The following SLC6A17 variants were observed in gnomAD, a reference collection of about 807,000 sequenced individuals.
SLC6A17 encodes the protein solute carrier family 6 member 17, also known as sodium-dependent neutral amino acid transporter SLC6A17.
In SLC6A17, 21 loss-of-function variants were observed where a neutral mutation model predicts 64.5. The ratio of observed to expected loss-of-function variants is 0.33; its 90% confidence interval spans 0.23 to 0.47. The LOEUF is 0.47. Ranked by LOEUF, SLC6A17 falls within the 20% of genes least tolerant of loss-of-function variation. SLC6A17 has a pLI of 1.00. For missense variants in SLC6A17, 682 were observed against 963.2 expected, an observed-to-expected ratio of 0.71 and a Z score of 3.86; for synonymous variants, 372 against 399.5, an observed-to-expected ratio of 0.93 and a Z score of 0.82.
At position 110,185,517 on chromosome 1, in the gene SLC6A17, T is replaced by G. The variant is rs371531398; in HGVS notation, c.865-6455T>G. On this transcript the variant is annotated intron_variant, in intron 6 of 11. Transcript: ENST00000331565. Reference sequence around the variant, plus strand: ...TCATCATGCCCACGAGTCAAACGCCTTGATACACTTTGTTTCCCTGAGTGA... The same window carrying G: ...TCATCATGCCCACGAGTCAAACGCCGTGATACACTTTGTTTCCCTGAGTGA... Among the ~76,000 whole-genome samples the G allele has an allele frequency of 2.6e-5, 4 of 152,240 alleles. No homozygotes were observed. The South Asian group carries it at 8.3e-4, about 32-fold the overall frequency.
chr1:110,151,373 C>G (rs932370875), intron 1 of SLC6A17, among the ~76,000 whole-genome samples: 10 of 152,382 alleles, frequency 6.6e-5, no homozygotes, highest in East Asian at 1.9e-4. Flanking sequence ...CGAAGCAGAA[C>G]TGTCACGCCC....
chr1:110,172,053 C>T lies in SLC6A17; in HGVS notation c.287-7C>T, dbSNP rs754652265. The T allele has an allele frequency of 1.1e-5, 18 of 1,613,852 alleles. 1 individual carries two copies. The South Asian group carries it at 1.6e-4, about 15-fold the overall frequency. Reference sequence around the variant, plus strand: ...GCCCCTCTGCCATCCCTCTGCTCTCCCCACAGGTGCTTACCTGGTGCCCTA... The same window carrying T: ...GCCCCTCTGCCATCCCTCTGCTCTCTCCACAGGTGCTTACCTGGTGCCCTA... On this transcript the variant is annotated splice_region_variant and splice_polypyrimidine_tract_variant and intron_variant, in intron 2 of 11. Transcript: ENST00000331565.
In SLC6A17 at chr1:110,199,901, A is replaced by AGATG. The variant is rs1217455792; in HGVS notation, c.*1479_*1482dup. Reference sequence around the variant, plus strand: ...GGGGAGTGGGGGTGGATGGATGGATAGATGGATGGATGGATGGATGGATGG... The same window carrying AGATG: ...GGGGAGTGGGGGTGGATGGATGGATAGATGGATGGATGGATGGATGGATGGATGG... On this transcript the variant is annotated 3_prime_UTR_variant, in exon 12 of 12. Transcript: ENST00000331565. 3.6e-4 allele frequency: 91 copies of AGATG among 255,236 alleles called. No individual in the cohort carries two copies. Among genetic ancestry groups the AGATG allele is most frequent in the East Asian group, 4.0e-4 (7 of 17,300 alleles). The allele number at this position is 255,236 out of a possible 1,614,324, so 15.8% of individuals were successfully genotyped here.
Position 110,192,441 on chromosome 1 carries a change from C to T in SLC6A17, c.1107-65C>T. On this transcript the variant is annotated intron_variant, in intron 7 of 11. Coordinates refer to ENST00000331565, the MANE Select transcript of SLC6A17 (RefSeq NM_001010898.4). The surrounding 1 kb of genome is among the most constrained non-coding windows in gnomAD (Gnocchi z 4.3). The stretch of plus-strand genomic sequence containing the variant: ...TCCCACCTGGGTGCCTGGGAAGAGC[C>T]TCCAGGATCTCACCCATTGCCCACC... 6.5e-7 allele frequency: 1 copy of T among 1,545,362 alleles called. No homozygotes were observed. The highest frequency in any genetic ancestry group is 1.8e-5 in the Admixed American group (1 of 54,096).
intron 6 of SLC6A17, among the ~76,000 whole-genome samples, chr1:110,190,843 G>A (rs76361498): frequency 0.13 from 20,433 of 152,026 alleles, 1,737 homozygotes; most frequent in South Asian, 0.22. Context: ...GGCCGGGGGC[G>A]GGGGCCTGGC....
intron 11 of SLC6A17, 115 bp downstream of exon 11, chr1:110,197,714 G>A (rs1192572471): frequency 4.8e-6 from 6 of 1,245,638 alleles, no homozygotes; most frequent in Non-Finnish European, 6.5e-6. Context: ...GCCTTGCCAG[G>A]TGCCTCACAC....
rs1656310151 is a variant in SLC6A17, at chr1:110,174,063, A to G, written c.535A>G (p.Ser179Gly). 1 of 1,613,978 alleles carries G rather than the reference A, an allele frequency of 6.2e-7. No individual in the cohort carries two copies. The highest frequency in any genetic ancestry group is 8.5e-7 in the Non-Finnish European group (1 of 1,180,016). Reference protein sequence around the residue: ...FKSFQYPLPWSECPVVRNGSV... With the variant: ...FKSFQYPLPWGECPVVRNGSV... ...GTCCTTCCAGTACCCGCTGCCCTGG[A>G]GTGAATGTCCTGTCGTCAGGAATGG... Residue 179 changes from serine (S) to glycine (G), a missense_variant, in exon 4 of 12, where the codon AGT (serine) becomes GGT (glycine). Physicochemically the swap from Ser to Gly is moderately conservative, Grantham distance 56. This residue lies in a region of SLC6A17 where 415 missense variants were observed against 603.8 expected (regional missense o/e 0.69). Transcript: ENST00000331565.
chr1:110,170,628 C>A (rs1001744452), intron 2 of SLC6A17, among the ~76,000 whole-genome samples: 1 of 152,206 alleles, frequency 6.6e-6, no homozygotes, highest in Admixed American at 6.5e-5. Context: ...GCCCTTTGGG[C>A]CCTCTCTCCT....
chr1:110,152,184 G>C (rs1557826732), intron 1 of SLC6A17, among the ~76,000 whole-genome samples: 1 of 152,212 alleles, frequency 6.6e-6, no homozygotes, highest in African/African-American at 2.4e-5. Flanking sequence ...TGGGCAGGAA[G>C]AGCTTTGAGG....
chr1:110,171,933 C>G (rs1039194916), intron 2 of SLC6A17, 127 bp from the exon 3 acceptor site: 3 of 1,253,680 alleles, frequency 2.4e-6, no homozygotes, highest in Non-Finnish European at 3.3e-6. Flanking sequence ...GGAGGAGCAC[C>G]GGGACTGGTG....
chr1:110,186,587 T>C (rs1266547533), intron 6 of SLC6A17, among the ~76,000 whole-genome samples: 2 of 152,206 alleles, frequency 1.3e-5, no homozygotes, highest in Non-Finnish European at 2.9e-5. Context: ...CCCAAAAGGC[T>C]GGTACAACTT....
rs1656913892 is a variant in SLC6A17, at chr1:110,194,644, C to G, written c.1365C>G (p.Ser455=). The G allele has an allele frequency of 3.7e-6, 6 of 1,614,086 alleles. No individual in the cohort carries two copies. The highest frequency in any genetic ancestry group is 4.2e-6 in the Non-Finnish European group (5 of 1,180,052). Residue 455 remains serine (S), a synonymous_variant, in exon 9 of 12, where the codon TCC becomes TCG. Transcript: ENST00000331565. The stretch of plus-strand genomic sequence containing the variant: ...AGGCCATGACGCACTTCCCCGCCTC[C>G]CCGTTCTGGTCCGTCATGTTCTTCT... The part of the protein sequence containing the change: ...FTEAMTHFPA[S]PFWSVMFFLM...
chr1:110,178,252 A>G (rs540072606), intron 6 of SLC6A17, among the ~76,000 whole-genome samples: 17 of 152,232 alleles, frequency 1.1e-4, no homozygotes, highest in African/African-American at 4.1e-4. Flanking sequence ...CTGAGTGTGG[A>G]CTTTTACAGA....
chr1:110,195,035 A>G (rs1656924030), intron 9 of SLC6A17: 3 of 517,138 alleles, frequency 5.8e-6, no homozygotes, highest in African/African-American at 1.9e-5. Context: ...CCTCTCCCCA[A>G]GGGCCTGCTG....
At position 110,197,423 on chromosome 1, in the gene SLC6A17, G is replaced by A; in HGVS notation, c.1653-14G>A. On this transcript the variant is annotated splice_polypyrimidine_tract_variant and intron_variant, in intron 10 of 11. Transcript: ENST00000331565. ...AGGGATGCCAACTGCTGGACCCTCT[G>A]CTATGCCTGGCAGGTTCATGCAGGA... The A allele has an allele frequency of 3.1e-6, 5 of 1,604,902 alleles. No individual in the cohort carries two copies. Among genetic ancestry groups the A allele is most frequent in the Non-Finnish European group, 4.3e-6 (5 of 1,175,720 alleles).
At chr1:110,160,185 C>T (rs1051957861) in intron 1 of SLC6A17, among the ~76,000 whole-genome samples, 10 of 152,244 alleles carry the variant, frequency 6.6e-5, no homozygotes, top group Admixed American at 6.5e-4. Context: ...AAACTGGCTT[C>T]CAAGTCTTGG....
intron 1 of SLC6A17, among the ~76,000 whole-genome samples, chr1:110,162,069 G>GCA (rs2101840047): frequency 6.6e-6 from 1 of 152,344 alleles, no homozygotes; most frequent in East Asian, 1.9e-4. Context: ...GGCCTTCTCG[G>GCA]CACTCGTGCC....
At chr1:110,190,144 A>ATACC (rs768437119) in intron 6 of SLC6A17, among the ~76,000 whole-genome samples, 1 of 152,198 alleles carries the variant, frequency 6.6e-6, no homozygotes, top group East Asian at 1.9e-4. Flanking sequence ...TTGACACCTT[A>ATACC]TACCTAATAA....
At chr1:110,177,353 G>A (rs1241508116) in intron 6 of SLC6A17, among the ~76,000 whole-genome samples, 5 of 152,178 alleles carry the variant, frequency 3.3e-5, no homozygotes, top group Admixed American at 3.3e-4. Flanking sequence ...CGGGGAGCAA[G>A]ATGAGCAGGA....
Sources: gnomAD v4.1 joint callset for allele counts (sites outside exome capture counted in the v4.1 genomes callset) on GRCh38, gnomAD v4.1.1 for gene constraint, gnomAD v4.1.1 regional missense constraint, Gnocchi (gnomAD v3.1) non-coding constraint, MANE v1.5 for transcripts, NCBI Gene and HGNC (gene_info 2026-07-23, HGNC 2026-07-21) for gene names.